The following CLN8 variants were observed in gnomAD, a reference collection of about 807,000 sequenced individuals.
The protein encoded by CLN8 is protein CLN8.
Under a neutral mutation model 15.7 loss-of-function variants are expected in CLN8, and 14 were observed. The observed-to-expected ratio is 0.89, with a 90% CI of 0.59 to 1.39. CLN8 has a LOEUF of 1.39. Among genes scored for constraint, CLN8 ranks in the 40% most tolerant of loss-of-function variants. The pLI, the probability that CLN8 is intolerant of heterozygous loss-of-function variation, is 0.00. For synonymous variants in CLN8, 188 were observed against 151.0 expected (o/e 1.25, Z -1.80); for missense variants, 415 against 364.0 (o/e 1.14, Z -1.14).
upstream of CLN8, among the ~76,000 whole-genome samples, chr8:1,755,017 C>G (rs1272584439): frequency 6.6e-6 from 1 of 152,234 alleles, no homozygotes; most frequent in Non-Finnish European, 1.5e-5. Context: ...CTACAGACCT[C>G]CGAGCCAATG....
chr8:1,776,889 C>A (rs962196005), intron 2 of CLN8, among the ~76,000 whole-genome samples: 1 of 152,146 alleles, frequency 6.6e-6, no homozygotes, highest in African/African-American at 2.4e-5. Context: ...CTGAGTTTGT[C>A]CACGCAGCAG....
rs1801708981 is a variant in CLN8, at chr8:1,781,376, A to AT, written c.*809_*810insT. 1.3e-5 allele frequency: 2 copies of AT among 149,246 alleles called. No homozygotes were observed. Among genetic ancestry groups the AT allele is most frequent in the Non-Finnish European group, 3.0e-5 (2 of 67,432 alleles). The allele number at this position is 149,246 out of a possible 1,614,324, so 9.2% of individuals were successfully genotyped here. ...GCAAGACTCTCTCTCAAAAAAAAAA[A>AT]AAAAAAAAAATTCTAGACCGAAGTG... On this transcript the variant is annotated 3_prime_UTR_variant, in exon 3 of 3. Transcript: ENST00000331222.
chr8:1,756,602 A>C (rs1800675757), intron 1 of CLN8, among the ~76,000 whole-genome samples: 1 of 131,740 alleles, frequency 7.6e-6, no homozygotes, highest in Non-Finnish European at 1.6e-5. Context: ...GAGTCTATAA[A>C]TTTGTTCCTA....
At chr8:1,765,345 G>C (rs1170791214) in intron 1 of CLN8, 1 of 152,162 alleles carries the variant, frequency 6.6e-6, no homozygotes, top group Non-Finnish European at 1.5e-5. Context: ...AAAAAGAAGA[G>C]TTTATATCTA....
upstream of CLN8, among the ~76,000 whole-genome samples, chr8:1,753,645 G>A (rs1800603442): frequency 6.7e-6 from 1 of 148,396 alleles, no homozygotes; most frequent in Non-Finnish European, 1.5e-5. Context: ...CCACACTTTT[G>A]GAGGCCGAGG....
At chr8:1,761,012 C>CTTTTTTTTTTTTT (rs61327257), upstream of CLN8, among the ~76,000 whole-genome samples, 1 of 67,562 alleles carries the variant, frequency 1.5e-5, no homozygotes, top group African/African-American at 6.2e-5. Context: ...CTATAGCCAT[C>CTTTTTTTTTTTTT]TTTTTTTTTT....
chr8:1,780,218 T>C (rs915918253), intron 2 of CLN8, 32 bp from the exon 3 acceptor site: 3 of 1,614,158 alleles, frequency 1.9e-6, no homozygotes, highest in South Asian at 2.2e-5. Flanking sequence ...CAGTTTCGCA[T>C]TGACTTGTGC....
chr8:1,763,401 C>T (rs1473264372), upstream of CLN8: 1 of 51,036 alleles, frequency 2.0e-5, no homozygotes, highest in Non-Finnish European at 4.1e-5. Flanking sequence ...CGCGCCGCGC[C>T]CCGCCCCCCG....
At position 1,765,392 on chromosome 8, in the gene CLN8, G is replaced by A. The variant is rs572779291; in HGVS notation, c.-124+1507G>A. On this transcript the variant is annotated intron_variant, in intron 1 of 2. Transcript: ENST00000331222. ...GACCCAGCAGGCACCAAAAAATAGT[G>A]ATGGTGCTTGGAGCTGTGTAAGAGG... Among the ~76,000 whole-genome samples, 19 of 152,342 alleles carry A rather than the reference G, an allele frequency of 1.2e-4. No homozygotes were observed. In the South Asian group the frequency reaches 3.1e-3, roughly 25 times the overall value.
upstream of CLN8, among the ~76,000 whole-genome samples, chr8:1,761,179 A>G (rs1184559374): frequency 1.3e-5 from 2 of 150,644 alleles, no homozygotes; most frequent in Non-Finnish European, 1.5e-5. Flanking sequence ...GTAACTGCCA[A>G]TCAGGTTCAT....
chr8:1,772,806 G>C, intron 2 of CLN8: 2 of 392,362 alleles, frequency 5.1e-6, no homozygotes, highest in Non-Finnish European at 9.0e-6. Flanking sequence ...ATAGATTCTT[G>C]CTATCTTTTA....
At chr8:1,774,657 A>G (rs1055269363) in intron 2 of CLN8, among the ~76,000 whole-genome samples, 9 of 152,320 alleles carry the variant, frequency 5.9e-5, no homozygotes, top group African/African-American at 1.9e-4. Flanking sequence ...TCTACTATTT[A>G]TCCACAGACT....
Position 1,770,287 on chromosome 8 carries a change from G to T in CLN8, c.-123-645G>T, listed in dbSNP as rs575356464. ...GCCCAGCAGCTGCAGAGACCCAGAGGTGCAGGAGAGTGTGATGTTTTCAAA... is the reference window on the plus strand; with the variant it reads ...GCCCAGCAGCTGCAGAGACCCAGAGTTGCAGGAGAGTGTGATGTTTTCAAA... On this transcript the variant is annotated intron_variant, in intron 1 of 2. Transcript: ENST00000331222. Among the ~76,000 whole-genome samples the T allele has an allele frequency of 1.7e-4, 26 of 152,288 alleles. 1 individual carries two copies. Among genetic ancestry groups the T allele is most frequent in the Admixed American group, 1.6e-3 (24 of 15,290 alleles).
chr8:1,772,583 C>A (rs903512418), intron 2 of CLN8, among the ~76,000 whole-genome samples: 1 of 152,138 alleles, frequency 6.6e-6, no homozygotes, highest in Non-Finnish European at 1.5e-5. Context: ...CTCAGCCTCC[C>A]AAGTAGCTGG....
chr8:1,764,424 G>A (rs1800959844), intron 1 of CLN8: 1 of 152,344 alleles, frequency 6.6e-6, no homozygotes. Flanking sequence ...GGCAAGTACG[G>A]TCAGCTCACC....
At chr8:1,760,716 G>C (rs1800772027), upstream of CLN8, among the ~76,000 whole-genome samples, 1 of 152,204 alleles carries the variant, frequency 6.6e-6, no homozygotes, top group South Asian at 2.1e-4. Context: ...GATGGAGAAA[G>C]GGGTCCAGTC....
At position 1,771,032 on chromosome 8, in the gene CLN8, C is replaced by T. The variant is rs745784815; in HGVS notation, c.-23C>T. The stretch of plus-strand genomic sequence containing the variant: ...CCCGGCCCGTGTTGGCCCCAGGACT[C>T]CTTTGGAATATAGCTGTGGACAATG... On this transcript the variant is annotated 5_prime_UTR_variant, in exon 2 of 3. Coordinates refer to ENST00000331222, the MANE Select transcript of CLN8 (RefSeq NM_018941.4). 1.2e-5 allele frequency: 19 copies of T among 1,613,464 alleles called. No individual in the cohort carries two copies. The South Asian group carries it at 1.5e-4, about 13-fold the overall frequency.
intron 1 of CLN8, among the ~76,000 whole-genome samples, chr8:1,769,107 C>G (rs954253325): frequency 1.3e-5 from 2 of 152,164 alleles, no homozygotes; most frequent in East Asian, 3.9e-4. Flanking sequence ...TGTGTTCAAA[C>G]AGAGCTAGTC....
At chr8:1,754,751 T>A (rs999640742), upstream of CLN8, among the ~76,000 whole-genome samples, 1 of 152,158 alleles carries the variant, frequency 6.6e-6, no homozygotes, top group Non-Finnish European at 1.5e-5. Flanking sequence ...TCTGTAGACA[T>A]CCCAACACCA....
Sources: allele counts gnomAD v4.1 joint callset (sites outside exome capture counted in the v4.1 genomes callset), GRCh38; gene constraint gnomAD v4.1.1; transcripts MANE v1.5; gene names NCBI Gene and HGNC (gene_info 2026-07-23, HGNC 2026-07-21).